Variants in MAGI2 observed in about 807,000 individuals in gnomAD.
The protein encoded by MAGI2 is membrane associated guanylate kinase, WW and PDZ domain containing 2, also known as membrane-associated guanylate kinase, WW and PDZ domain-containing protein 2.
A neutral mutation model predicts 133.3 loss-of-function variants in MAGI2; 35 were observed. That is an observed-to-expected ratio of 0.26 (90% CI 0.20 to 0.35). The LOEUF is 0.35. MAGI2 is among the 10% of genes least tolerant of loss of function. The probability of loss-of-function intolerance (pLI) is 1.00; values close to 1 mark genes in which losing one functional copy is unlikely to be tolerated. For synonymous variants in MAGI2, 729 were observed against 710.6 expected (o/e 1.03, Z -0.41); for missense variants, 1,636 against 1,863.4 (o/e 0.88, Z 2.25).
intron 6 of MAGI2, 140 bp downstream of exon 6, chr7:78,489,621 T>C (rs1397353398): frequency 1.4e-6 from 1 of 704,244 alleles, no homozygotes; most frequent in African/African-American, 1.8e-5. Flanking sequence ...GTTAATTCTC[T>C]CTCTTATCTG....
chr7:78,958,465 T>C (rs567396383), intron 2 of MAGI2, among the ~76,000 whole-genome samples: 1 of 152,196 alleles, frequency 6.6e-6, no homozygotes, highest in Non-Finnish European at 1.5e-5. Context: ...TTGTAGAGTT[T>C]GTTATGAGTA....
In MAGI2 at chr7:78,862,896, G is replaced by C. The variant is rs1008611886; in HGVS notation, c.418+144194C>G. 2.6e-5 allele frequency among the ~76,000 whole-genome samples: 4 copies of C among 152,296 alleles called. No individual in the cohort carries two copies. In the South Asian group the frequency reaches 8.3e-4, roughly 32 times the overall value. ...AAAGAAGTTATTTTAATATGTTAAAGCAAAGACAGAAAGGCAAAGTTAGAC... is the reference window on the plus strand; with the variant it reads ...AAAGAAGTTATTTTAATATGTTAAACCAAAGACAGAAAGGCAAAGTTAGAC... On this transcript the variant is annotated intron_variant, in intron 2 of 21. Transcript: ENST00000354212.
At chr7:79,125,620 G>T in intron 1 of MAGI2, 1 of 513,762 alleles carries the variant, frequency 1.9e-6, no homozygotes. Flanking sequence ...AAGCAATTTT[G>T]GAGGTAGTGG....
intron 6 of MAGI2, 70 bp from the exon 7 acceptor site, chr7:78,369,283 A>T: frequency 8.9e-7 from 1 of 1,117,592 alleles, no homozygotes; most frequent in Non-Finnish European, 1.3e-6. Flanking sequence ...ATATAATTTA[A>T]TTGTTCATGG....
chr7:79,383,260 GC>G (rs978856616), intron 1 of MAGI2, among the ~76,000 whole-genome samples: 31 of 151,684 alleles, frequency 2.0e-4, no homozygotes, highest in Admixed American at 5.9e-4. Context: ...TGTCCAGGAT[GC>G]TTTACTTCAC....
intron 6 of MAGI2, among the ~76,000 whole-genome samples, chr7:78,461,570 T>C (rs931178201): frequency 6.6e-6 from 1 of 152,040 alleles, no homozygotes; most frequent in Non-Finnish European, 1.5e-5. Flanking sequence ...TTTTCCTGGT[T>C]TTGGATTTAG....
chr7:78,137,708 AT>A (rs1822300689), intron 16 of MAGI2, among the ~76,000 whole-genome samples: 1 of 152,206 alleles, frequency 6.6e-6, no homozygotes, highest in African/African-American at 2.4e-5. Flanking sequence ...ATGTTCTCTG[AT>A]TTCACAAAAA....
intron 3 of MAGI2, among the ~76,000 whole-genome samples, chr7:78,529,668 G>GTTTT (rs554010061): frequency 0.041 from 2,337 of 57,310 alleles, 576 homozygotes; most frequent in Non-Finnish European, 0.054. Flanking sequence ...AAAGGAGATG[G>GTTTT]TTTTTTTTTT....
chr7:78,379,280 GC>G (rs1359729402), intron 6 of MAGI2, among the ~76,000 whole-genome samples: 1 of 151,828 alleles, frequency 6.6e-6, no homozygotes, highest in Non-Finnish European at 1.5e-5. Flanking sequence ...TTTCTATCTG[GC>G]TTATAAAGAA....
chr7:78,368,187 C>G (rs1793575009), intron 7 of MAGI2, among the ~76,000 whole-genome samples: 1 of 152,198 alleles, frequency 6.6e-6, no homozygotes. Context: ...CTTATCTGTA[C>G]ATTTTCAGTG....
At chr7:78,481,041 A>T (rs1563062672) in intron 6 of MAGI2, among the ~76,000 whole-genome samples, 1 of 151,950 alleles carries the variant, frequency 6.6e-6, no homozygotes, top group Non-Finnish European at 1.5e-5. Flanking sequence ...TCCCAACAAG[A>T]TTTTTGTAGT....
intron 1 of MAGI2, among the ~76,000 whole-genome samples, chr7:79,403,034 A>G (rs1177017729): frequency 6.6e-6 from 1 of 152,196 alleles, no homozygotes; most frequent in Non-Finnish European, 1.5e-5. Context: ...AATGTGATTA[A>G]CCATATAAAG....
At chr7:78,234,557 A>T (rs886314543) in intron 10 of MAGI2, among the ~76,000 whole-genome samples, 1 of 75,052 alleles carries the variant, frequency 1.3e-5, no homozygotes, top group Admixed American at 1.7e-4. Flanking sequence ...ATTATAATAT[A>T]ATGAATATTT....
At chr7:79,137,470 C>G in intron 1 of MAGI2, among the ~76,000 whole-genome samples, 2 of 104,350 alleles carry the variant, frequency 1.9e-5, no homozygotes, top group South Asian at 3.1e-4. Flanking sequence ...TTTTTTGAGA[C>G]AAAGTTTCAT....
chr7:78,546,674 TCATCTC>T (rs1798870739), intron 3 of MAGI2, among the ~76,000 whole-genome samples: 2 of 49,934 alleles, frequency 4.0e-5, no homozygotes, highest in African/African-American at 7.9e-5. Context: ...TCAAAGATCC[TCATCTC>T]TCTCTCTCTC....
chr7:78,561,411 T>A (rs762959537), intron 3 of MAGI2, among the ~76,000 whole-genome samples: 1 of 152,218 alleles, frequency 6.6e-6, no homozygotes, highest in East Asian at 1.9e-4. Context: ...GAAAGAAGAC[T>A]ACAATTTAGC....
At chr7:79,095,593 G>A (rs1185294587) in intron 1 of MAGI2, among the ~76,000 whole-genome samples, 2 of 152,068 alleles carry the variant, frequency 1.3e-5, no homozygotes, top group Non-Finnish European at 2.9e-5. Context: ...ATATTATTGT[G>A]TCTCAGGGAC....
chr7:78,208,224 G>C (rs777604123), intron 10 of MAGI2, among the ~76,000 whole-genome samples: 1 of 142,238 alleles, frequency 7.0e-6, no homozygotes, highest in Non-Finnish European at 1.5e-5. Flanking sequence ...TTAAATAAAA[G>C]TGTTTTTCTT....
At chr7:78,814,251 G>C (rs1431050113) in intron 2 of MAGI2, among the ~76,000 whole-genome samples, 1 of 152,136 alleles carries the variant, frequency 6.6e-6, no homozygotes, top group Non-Finnish European at 1.5e-5. Context: ...TGGGGGTGCT[G>C]TCACTATGAC....
Sources: gnomAD v4.1 joint callset for allele counts (sites outside exome capture counted in the v4.1 genomes callset) on GRCh38, gnomAD v4.1.1 for gene constraint, MANE v1.5 for transcripts, NCBI Gene and HGNC (gene_info 2026-07-23, HGNC 2026-07-21) for gene names.